TMED3: variants seen among roughly 807,000 people sequenced by gnomAD.
TMED3 encodes transmembrane emp24 domain-containing protein 3.
A neutral mutation model predicts 15.0 loss-of-function variants in TMED3; 9 were observed. The ratio of observed to expected loss-of-function variants is 0.60; its 90% CI spans 0.36 to 1.04. The LOEUF (loss-of-function observed/expected upper bound fraction) is 1.04, where lower values mean the gene tolerates loss of function less well. TMED3 is among the 50% of genes least tolerant of loss of function. TMED3 has a pLI of 0.01. For missense variants in TMED3, 267 were observed against 278.9 expected (o/e 0.96, Z 0.30); for synonymous variants, 117 against 121.4 (o/e 0.96, Z 0.24).
intron 2 of TMED3, among the ~76,000 whole-genome samples, chr15:79,390,681 T>G (rs1198992516): frequency 6.6e-6 from 1 of 152,158 alleles, no homozygotes; most frequent in Non-Finnish European, 1.5e-5. Flanking sequence ...CTTCTTTGAA[T>G]GTCTGGTAGA....
chr15:79,317,681 G>A (rs983541276), intron 2 of TMED3, among the ~76,000 whole-genome samples: 9 of 152,006 alleles, frequency 5.9e-5, no homozygotes, highest in East Asian at 1.9e-4. Flanking sequence ...ATACACTTAT[G>A]TGTGTGTCTC....
chr15:79,370,256 A>ATTTTTTTTTTTT (rs398028085), intron 2 of TMED3, among the ~76,000 whole-genome samples: 115 of 104,928 alleles, frequency 1.1e-3, no homozygotes, highest in East Asian at 1.7e-3. Context: ...TGCCCAGCTA[A>ATTTTTTTTTTTT]TTTTTTTTTT....
chr15:79,328,129 A>G (rs990864364), intron 2 of TMED3, among the ~76,000 whole-genome samples: 3 of 152,194 alleles, frequency 2.0e-5, no homozygotes, highest in Admixed American at 2.0e-4. Flanking sequence ...TTGATTCAAC[A>G]GTGGTTTAAA....
At chr15:79,316,559 A>G (rs2058741192) in intron 2 of TMED3, among the ~76,000 whole-genome samples, 1 of 152,200 alleles carries the variant, frequency 6.6e-6, no homozygotes, top group Non-Finnish European at 1.5e-5. Context: ...GGCTGCAGGA[A>G]TTTGTCAGTG....
intron 2 of TMED3, among the ~76,000 whole-genome samples, chr15:79,318,143 A>G (rs977976042): frequency 1.3e-5 from 2 of 152,004 alleles, no homozygotes; most frequent in African/African-American, 2.4e-5. Flanking sequence ...CTGCCCATCC[A>G]TCAGGGCTCA....
chr15:79,352,937 TAC>T (rs2058897961), intron 2 of TMED3, among the ~76,000 whole-genome samples: 1 of 100,028 alleles, frequency 1.0e-5, no homozygotes, highest in Non-Finnish European at 1.9e-5. Flanking sequence ...ATAATATATA[TAC>T]ATATATAATA....
exon 3 of TMED3, chr15:79,413,884 A>C: frequency 6.6e-6 from 1 of 152,184 alleles, no homozygotes; most frequent in East Asian, 1.9e-4. Flanking sequence ...ATATTTGAAC[A>C]TATCACTGTG....
chr15:79,338,025 G>A (rs1404856106), intron 2 of TMED3, among the ~76,000 whole-genome samples: 1 of 152,144 alleles, frequency 6.6e-6, no homozygotes, highest in Non-Finnish European at 1.5e-5. Context: ...ACACCAGAGT[G>A]TACAGTGAAA....
rs762783894 is a variant in TMED3, at chr15:79,322,191, A to T, written c.631A>T (p.Ile211Phe). ...LKSFFTEKRPISRAVHS is the reference protein window; with the variant it reads ...LKSFFTEKRPFSRAVHS ...AAGCTTCTTCACAGAAAAACGACCCATCAGCAGGGCAGTCCACTCCTAGCC... is the reference window on the plus strand; with the variant it reads ...AAGCTTCTTCACAGAAAAACGACCCTTCAGCAGGGCAGTCCACTCCTAGCC... Residue 211 changes from isoleucine to phenylalanine, a missense_variant, in exon 3 of 3, where the codon ATC becomes TTC. By Grantham distance (21) the Ile-to-Phe change is conservative. Transcript: ENST00000299705. 1.2e-6 allele frequency: 2 copies of T among 1,613,910 alleles called. No individual in the cohort carries two copies. Among genetic ancestry groups the T allele is most frequent in the Non-Finnish European group, 1.7e-6 (2 of 1,179,968 alleles).
chr15:79,379,787 A>C (rs1266880526), intron 2 of TMED3, among the ~76,000 whole-genome samples: 1 of 152,236 alleles, frequency 6.6e-6, no homozygotes, highest in Non-Finnish European at 1.5e-5. Flanking sequence ...TAAATGAATC[A>C]GTCTGACAGC....
At chr15:79,351,457 C>T (rs1422863776) in intron 2 of TMED3, among the ~76,000 whole-genome samples, 1 of 152,212 alleles carries the variant, frequency 6.6e-6, no homozygotes, top group East Asian at 1.9e-4. Context: ...ATTACCAGCA[C>T]ATCCAAGTCA....
intron 2 of TMED3, among the ~76,000 whole-genome samples, chr15:79,356,425 A>G (rs1000644746): frequency 1.3e-5 from 2 of 152,244 alleles, no homozygotes; most frequent in African/African-American, 2.4e-5. Flanking sequence ...AATGAATTTA[A>G]GAATGTTCCT....
At chr15:79,360,426 A>G (rs1267968126) in intron 2 of TMED3, among the ~76,000 whole-genome samples, 1 of 152,210 alleles carries the variant, frequency 6.6e-6, no homozygotes, top group Non-Finnish European at 1.5e-5. Flanking sequence ...GTCTTCTATC[A>G]AAAGGACATT....
chr15:79,361,213 G>A (rs182473296), intron 2 of TMED3, among the ~76,000 whole-genome samples: 65 of 152,264 alleles, frequency 4.3e-4, no homozygotes, highest in Admixed American at 1.7e-3. Flanking sequence ...TTCCAATTCT[G>A]CCATTTGCTG....
intron 2 of TMED3, among the ~76,000 whole-genome samples, chr15:79,349,125 A>G (rs541609177): frequency 1.7e-3 from 260 of 152,330 alleles, no homozygotes; most frequent in Non-Finnish European, 3.1e-3. Flanking sequence ...GGTGTGAGCC[A>G]CTGTGTCTGG....
At chr15:79,389,481 T>C (rs767231703) in intron 2 of TMED3, among the ~76,000 whole-genome samples, 6 of 152,168 alleles carry the variant, frequency 3.9e-5, no homozygotes, top group African/African-American at 7.2e-5. Flanking sequence ...CATGTTATTT[T>C]TGGTGATTAT....
intron 2 of TMED3, among the ~76,000 whole-genome samples, chr15:79,396,119 A>G (rs1893760782): frequency 6.6e-6 from 1 of 152,210 alleles, no homozygotes; most frequent in African/African-American, 2.4e-5. Context: ...TCTGAATTCC[A>G]GAACAAATGC....
At position 79,314,424 on chromosome 15, in the gene TMED3, A is replaced by G. The variant is rs1475427840; in HGVS notation, c.417+419A>G. ...AAACACCAAACATCAATGGCTTAAC[A>G]GAATAGAAGTTTATTCTCATGCATA... is the stretch of plus-strand genomic sequence containing the variant. On this transcript the variant is annotated intron_variant, in intron 2 of 2. Coordinates refer to ENST00000299705, the MANE Select transcript of TMED3 (RefSeq NM_007364.4). The G allele has an allele frequency of 7.4e-6, 3 of 403,394 alleles. No homozygotes were observed. In the East Asian group the frequency reaches 2.2e-4, roughly 30 times the overall value. 25.0% of individuals were successfully genotyped at this position (403,394 alleles called of 1,614,324 possible). A position where few individuals can be genotyped will look rare whatever the true frequency, so the allele number is the denominator to read the frequency against.
At chr15:79,390,700 G>T (rs1396482832) in intron 2 of TMED3, among the ~76,000 whole-genome samples, 1 of 152,044 alleles carries the variant, frequency 6.6e-6, no homozygotes, top group African/African-American at 2.4e-5. Flanking sequence ...GAATTCTGCG[G>T]TGAATCCATG....
Sources: gnomAD v4.1 joint callset for allele counts (sites outside exome capture counted in the v4.1 genomes callset) on GRCh38, gnomAD v4.1.1 for gene constraint, MANE v1.5 for transcripts, NCBI Gene and HGNC (gene_info 2026-07-23, HGNC 2026-07-21) for gene names.